The following PACRGL variants were observed in gnomAD, a reference collection of about 807,000 sequenced individuals.
PACRGL encodes parkin coregulated like.
Under a neutral mutation model 34.5 loss-of-function variants are expected in PACRGL, and 38 were observed. The observed-to-expected ratio is 1.10, with a 90% CI of 0.85 to 1.44. The LOEUF (loss-of-function observed/expected upper bound fraction) is 1.44, where lower values mean the gene tolerates loss of function less well. Among genes scored for constraint, PACRGL ranks in the 40% most tolerant of loss-of-function variants. The pLI is 0.00. For synonymous variants in PACRGL, 128 were observed against 100.1 expected (o/e 1.28, Z -1.66); for missense variants, 305 against 281.4 (o/e 1.08, Z -0.60).
At chr4:20,711,644 A>G (rs1737258807) in intron 5 of PACRGL, among the ~76,000 whole-genome samples, 1 of 152,180 alleles carries the variant, frequency 6.6e-6, no homozygotes, top group South Asian at 2.1e-4. Flanking sequence ...ATATTTCTTC[A>G]TAGATAATTA....
chr4:20,755,121 C>A (rs979648265), downstream of PACRGL, among the ~76,000 whole-genome samples: 9 of 152,068 alleles, frequency 5.9e-5, no homozygotes, highest in Non-Finnish European at 1.2e-4. Flanking sequence ...AAGGGCCCTC[C>A]CCTCTGCACT....
At chr4:20,750,830 C>G (rs1161838870) in intron 8 of PACRGL, among the ~76,000 whole-genome samples, 2 of 152,076 alleles carry the variant, frequency 1.3e-5, no homozygotes, top group African/African-American at 4.8e-5. Flanking sequence ...TTGGCTCTAG[C>G]CTTTTATCTT....
the PACRGL span, among the ~76,000 whole-genome samples, chr4:20,765,554 A>G: frequency 3.2e-3 from 489 of 152,320 alleles, 1 homozygote; most frequent in Middle Eastern, 0.017. Context: ...TGTGTGCCAC[A>G]TACTCTTTAC....
chr4:20,704,809 AATCCGGTAGGTCCAAAACT>A lies in PACRGL; in HGVS notation c.205_207+16del. On this transcript the variant is annotated splice_donor_variant and splice_donor_5th_base_variant and coding_sequence_variant and intron_variant, in exon 3 of 9. Transcript: ENST00000503585. LOFTEE classifies it high-confidence loss of function. ...TGATAAACTGAACCCTAAAACAATTAATCCGGTAGGTCCAAAACTATTCCTAACTCAGTAGATTTTTTAA... is the reference window on the plus strand; with the variant it reads ...TGATAAACTGAACCCTAAAACAATTAATTCCTAACTCAGTAGATTTTTTAA... 6.2e-7 allele frequency: 1 copy of A among 1,613,932 alleles called. No individual in the cohort carries two copies. Among genetic ancestry groups the A allele is most frequent in the Non-Finnish European group, 8.5e-7 (1 of 1,179,860 alleles).
chr4:20,710,256 C>A (rs1736527071), intron 5 of PACRGL, among the ~76,000 whole-genome samples: 1 of 152,044 alleles, frequency 6.6e-6, no homozygotes, highest in African/African-American at 2.4e-5. Flanking sequence ...AGTACAATAT[C>A]ATGGAGGTGG....
chr4:20,703,477 A>AGTGTGTGTGTGTGTGT (rs34932810), intron 1 of PACRGL, among the ~76,000 whole-genome samples: 18 of 141,546 alleles, frequency 1.3e-4, no homozygotes, highest in African/African-American at 3.9e-4. Flanking sequence ...TGGGTATATG[A>AGTGTGTGTGTGTGTGT]GTGTGTGTGT....
intron 1 of PACRGL, chr4:20,701,981 T>A (rs1007960987): frequency 2.2e-6 from 1 of 452,348 alleles, no homozygotes; most frequent in Non-Finnish European, 4.4e-6. Flanking sequence ...TTTGCATTAC[T>A]GTATGTTTAA....
At chr4:20,739,154 G>A (rs1396702889) in intron 8 of PACRGL, among the ~76,000 whole-genome samples, 1 of 152,180 alleles carries the variant, frequency 6.6e-6, no homozygotes, top group Non-Finnish European at 1.5e-5. Flanking sequence ...GCCACCTCTG[G>A]GGGCAGGTCA....
At chr4:20,723,528 T>A (rs762268362) in intron 7 of PACRGL, among the ~76,000 whole-genome samples, 1 of 151,956 alleles carries the variant, frequency 6.6e-6, no homozygotes, top group African/African-American at 2.4e-5. Context: ...GGATGTGATA[T>A]GTAGAGAAAA....
intron 7 of PACRGL, among the ~76,000 whole-genome samples, chr4:20,721,745 G>T (rs1050626612): frequency 2.0e-5 from 3 of 152,202 alleles, no homozygotes; most frequent in African/African-American, 7.2e-5. Flanking sequence ...ACTGGGGGGT[G>T]CCTCTCAGTT....
chr4:20,704,383 C>G (rs900540935), intron 1 of PACRGL, 83 bp from the exon 2 acceptor site: 2 of 1,275,148 alleles, frequency 1.6e-6, no homozygotes, highest in Non-Finnish European at 2.2e-6. Flanking sequence ...ATTGTATACT[C>G]TGTTCTGGTT....
intron 7 of PACRGL, among the ~76,000 whole-genome samples, chr4:20,720,269 T>G (rs1742366616): frequency 6.6e-6 from 1 of 152,232 alleles, no homozygotes; most frequent in African/African-American, 2.4e-5. Flanking sequence ...CTGATGGGTC[T>G]CGACTCTTTA....
At chr4:20,715,810 G>C (rs1382136910) in intron 7 of PACRGL, among the ~76,000 whole-genome samples, 1 of 151,932 alleles carries the variant, frequency 6.6e-6, no homozygotes, top group African/African-American at 2.4e-5. Context: ...GGTTGTAGTG[G>C]GACAAGATTG....
chr4:20,757,103 C>T (rs1281129632), downstream of PACRGL, among the ~76,000 whole-genome samples: 1 of 152,090 alleles, frequency 6.6e-6, no homozygotes, highest in Non-Finnish European at 1.5e-5. Flanking sequence ...CGCCCTATTC[C>T]TCCTGTAAAG....
At chr4:20,715,086 A>G (rs56266369) in intron 7 of PACRGL, among the ~76,000 whole-genome samples, 16,141 of 152,296 alleles carry the variant, frequency 0.11, 1,112 homozygotes, top group Middle Eastern at 0.19. Context: ...ATGGAATACT[A>G]TGTAGCCATA....
chr4:20,724,592 A>G (rs1286199333), intron 7 of PACRGL, among the ~76,000 whole-genome samples: 1 of 152,196 alleles, frequency 6.6e-6, no homozygotes, highest in Non-Finnish European at 1.5e-5. Flanking sequence ...ATACTGAAGC[A>G]GATTTTATAG....
intron 8 of PACRGL, among the ~76,000 whole-genome samples, chr4:20,751,650 CATAA>C (rs1372694077): frequency 6.6e-6 from 1 of 152,028 alleles, no homozygotes; most frequent in Non-Finnish European, 1.5e-5. Context: ...CAGTACTCAC[CATAA>C]ATAATGGCTC....
intron 7 of PACRGL, among the ~76,000 whole-genome samples, chr4:20,717,944 A>G (rs527944073): frequency 1.3e-5 from 2 of 152,266 alleles, no homozygotes; most frequent in South Asian, 4.1e-4. Flanking sequence ...CATTTTCACC[A>G]TATTGATTCT....
chr4:20,760,029 T>C, the PACRGL span, among the ~76,000 whole-genome samples: 1 of 152,206 alleles, frequency 6.6e-6, no homozygotes, highest in Non-Finnish European at 1.5e-5. Context: ...CAGTGGATGC[T>C]GAAGCTGCAA....
Sources: gnomAD v4.1 joint callset for allele counts (sites outside exome capture counted in the v4.1 genomes callset) on GRCh38, gnomAD v4.1.1 for gene constraint, MANE v1.5 for transcripts, NCBI Gene and HGNC (gene_info 2026-07-23, HGNC 2026-07-21) for gene names.